The following RYR3 variants were observed in gnomAD, a reference collection of about 807,000 sequenced individuals.
RYR3 encodes the protein brain ryanodine receptor-calcium release channel.
RYR3 carries 207 observed loss-of-function variants against 584.3 expected under a neutral mutation model. That is an observed-to-expected ratio of 0.35 (90% CI 0.32 to 0.40). RYR3 has a LOEUF of 0.40. RYR3 is among the 10% of genes least tolerant of loss of function. The pLI, the probability that RYR3 is intolerant of heterozygous loss-of-function variation, is 1.00. For missense variants in RYR3, 5,616 were observed against 6,089.2 expected (o/e 0.92, Z 2.59); for synonymous variants, 2,416 against 2,248.5 (o/e 1.07, Z -2.11).
At chr15:33,685,287 G>A (rs190599943) in intron 38 of RYR3, among the ~76,000 whole-genome samples, 27 of 152,252 alleles carry the variant, frequency 1.8e-4, no homozygotes, top group Admixed American at 1.6e-3. Context: ...AAAAGCAGGG[G>A]TTGCAATCCT....
intron 89 of RYR3, 34 bp from the exon 90 acceptor site, chr15:33,840,791 G>T: frequency 6.2e-7 from 1 of 1,609,308 alleles, no homozygotes. Context: ...TCGCTTCTTT[G>T]AGGAAAGCTT....
At chr15:33,404,856 A>G (rs7164680) in intron 1 of RYR3, among the ~76,000 whole-genome samples, 11,492 of 152,136 alleles carry the variant, frequency 0.076, 508 homozygotes, top group African/African-American at 0.11. Flanking sequence ...TCTTTTTGGT[A>G]TCAGATGTCA....
chr15:33,853,466 T>C (rs1245867635), intron 95 of RYR3, 89 bp from the exon 96 acceptor site: 2 of 1,476,802 alleles, frequency 1.4e-6, no homozygotes, highest in East Asian at 2.3e-5. Context: ...AGATTGCCCA[T>C]AGGGCAGCAA....
intron 64 of RYR3, among the ~76,000 whole-genome samples, chr15:33,774,958 A>G (rs954795218): frequency 6.6e-6 from 1 of 152,102 alleles, no homozygotes; most frequent in Non-Finnish European, 1.5e-5. Context: ...TTATATGTAT[A>G]TAAGTATACA....
intron 20 of RYR3, 127 bp downstream of exon 20, chr15:33,624,150 A>G: frequency 1.4e-6 from 1 of 699,242 alleles, no homozygotes; most frequent in Non-Finnish European, 2.5e-6. Flanking sequence ...AATGTGAACA[A>G]CTGTTACTCC....
chr15:33,843,387 C>A, intron 91 of RYR3, 101 bp from the exon 92 acceptor site: 3 of 747,948 alleles, frequency 4.0e-6, no homozygotes, highest in South Asian at 3.1e-5. Context: ...TAGGACGAGT[C>A]AAGTGTGAAC....
At chr15:33,461,111 A>T (rs921198152) in intron 1 of RYR3, among the ~76,000 whole-genome samples, 1 of 151,300 alleles carries the variant, frequency 6.6e-6, no homozygotes, top group Non-Finnish European at 1.5e-5. Context: ...CGCCCAGCTA[A>T]TTTTTTGTAT....
intron 89 of RYR3, among the ~76,000 whole-genome samples, chr15:33,840,177 A>T (rs947737739): frequency 6.6e-6 from 1 of 152,212 alleles, no homozygotes; most frequent in African/African-American, 2.4e-5. Context: ...AGTCCTGACG[A>T]GCAGCAGGCA....
intron 74 of RYR3, among the ~76,000 whole-genome samples, chr15:33,814,639 C>T (rs567050732): frequency 6.6e-6 from 1 of 152,236 alleles, no homozygotes; most frequent in South Asian, 2.1e-4. Flanking sequence ...TGGCTCACTC[C>T]TGTAATCCTA....
At chr15:33,747,670 C>T (rs909968708) in intron 53 of RYR3, among the ~76,000 whole-genome samples, 2 of 152,044 alleles carry the variant, frequency 1.3e-5, no homozygotes, top group Non-Finnish European at 2.9e-5. Flanking sequence ...GGTGATCCAC[C>T]CGCCTCGGCC....
chr15:33,528,968 G>T (rs2054620032), intron 3 of RYR3, among the ~76,000 whole-genome samples: 1 of 152,144 alleles, frequency 6.6e-6, no homozygotes, highest in African/African-American at 2.4e-5. Flanking sequence ...GACTGTTTTG[G>T]GAGGACACAC....
At chr15:33,765,030 C>CAAAAAAAAA (rs1183335863) in intron 60 of RYR3, among the ~76,000 whole-genome samples, 1 of 85,770 alleles carries the variant, frequency 1.2e-5, no homozygotes, top group Non-Finnish European at 2.0e-5. Flanking sequence ...GACTTCGTCT[C>CAAAAAAAAA]AAAAAAAAAA....
chr15:33,455,916 C>G (rs961170715), intron 1 of RYR3, among the ~76,000 whole-genome samples: 1 of 152,164 alleles, frequency 6.6e-6, no homozygotes, highest in African/African-American at 2.4e-5. Context: ...CATCAAGACT[C>G]TAAAATTGGA....
intron 9 of RYR3, among the ~76,000 whole-genome samples, chr15:33,549,815 C>A (rs747739990): frequency 6.6e-6 from 1 of 152,182 alleles, no homozygotes; most frequent in African/African-American, 2.4e-5. Flanking sequence ...TTCCCAGAAA[C>A]AAGTTTCCAT....
intron 12 of RYR3, among the ~76,000 whole-genome samples, chr15:33,572,476 G>T (rs1210363964): frequency 1.3e-5 from 2 of 151,508 alleles, no homozygotes; most frequent in Non-Finnish European, 1.5e-5. Context: ...TAGATAGCTA[G>T]GGTCCTCTCC....
At chr15:33,351,983 T>C (rs1973334478) in intron 1 of RYR3, among the ~76,000 whole-genome samples, 1 of 152,180 alleles carries the variant, frequency 6.6e-6, no homozygotes, top group Admixed American at 6.5e-5. Flanking sequence ...TGTTTGCAGA[T>C]GACATGATTG....
intron 92 of RYR3, 115 bp from the exon 93 acceptor site, chr15:33,844,747 A>C: frequency 1.2e-6 from 1 of 862,424 alleles, no homozygotes; most frequent in Non-Finnish European, 1.8e-6. Flanking sequence ...TCAGCAAGTA[A>C]TGTTGAGTCA....
chr15:33,601,763 G>A (rs1257807656), intron 17 of RYR3, among the ~76,000 whole-genome samples: 2 of 152,228 alleles, frequency 1.3e-5, no homozygotes, highest in African/African-American at 2.4e-5. Flanking sequence ...TTCTGTTTAA[G>A]TAGCTGAGGA....
At position 33,826,793 on chromosome 15, in the gene RYR3, C is replaced by CG. The variant is rs1555477712; in HGVS notation, c.11245+44dup. The CG allele has an allele frequency of 2.1e-4, 312 of 1,503,648 alleles. No individual in the cohort carries two copies. In the African/African-American group the frequency reaches 3.7e-3, roughly 18 times the overall value. 93.1% of individuals were successfully genotyped at this position (1,503,648 alleles called of 1,614,324 possible). Reference sequence around the variant, plus strand: ...TGATCTGCCAAGGAAACACAGCACTCGGGCAAAACTAGAATTCCGTTCAGT... The same window carrying CG: ...TGATCTGCCAAGGAAACACAGCACTCGGGGCAAAACTAGAATTCCGTTCAGT... On this transcript the variant is annotated intron_variant, in intron 84 of 103. Coordinates refer to ENST00000634891, the MANE Select transcript of RYR3 (RefSeq NM_001036.6).
Sources: allele counts gnomAD v4.1 joint callset (sites outside exome capture counted in the v4.1 genomes callset), GRCh38; gene constraint gnomAD v4.1.1; transcripts MANE v1.5; gene names NCBI Gene and HGNC (gene_info 2026-07-23, HGNC 2026-07-21).